Variants in ADAM19 observed in about 807,000 individuals in gnomAD.
The protein encoded by ADAM19 is ADAM metallopeptidase domain 19, also known as disintegrin and metalloproteinase domain-containing protein 19.
A neutral mutation model predicts 114.7 loss-of-function variants in ADAM19; 65 were observed. The observed-to-expected ratio is 0.57, with a 90% CI of 0.46 to 0.70. The LOEUF (loss-of-function observed/expected upper bound fraction) is 0.70. Among genes scored for constraint, ADAM19 ranks in the 30% least tolerant of loss-of-function variants. The pLI is 0.00. For missense variants in ADAM19, 1,063 were observed against 1,204.7 expected (o/e 0.88, Z 1.74); for synonymous variants, 466 against 460.5 (o/e 1.01, Z -0.15).
intron 5 of ADAM19, among the ~76,000 whole-genome samples, chr5:157,522,965 G>A (rs1398342315): frequency 6.6e-6 from 1 of 152,164 alleles, no homozygotes; most frequent in Admixed American, 6.5e-5. Flanking sequence ...CATTGATTGA[G>A]CTAACTGGAT....
intron 6 of ADAM19, 108 bp downstream of exon 6, chr5:157,519,731 T>C (rs1270225264): frequency 1.9e-6 from 2 of 1,039,512 alleles, no homozygotes; most frequent in Non-Finnish European, 2.8e-6. Context: ...TCCTTTTTCT[T>C]AGGCATCACC....
intron 3 of ADAM19, among the ~76,000 whole-genome samples, chr5:157,556,032 TTTG>T (rs565533591): frequency 3.3e-5 from 5 of 151,982 alleles, no homozygotes; most frequent in Non-Finnish European, 7.4e-5. Context: ...GATCTTTGAT[TTTG>T]TTGTTGTTGT....
At chr5:157,558,681 G>A (rs1376406073) in intron 3 of ADAM19, among the ~76,000 whole-genome samples, 2 of 152,218 alleles carry the variant, frequency 1.3e-5, no homozygotes, top group Non-Finnish European at 2.9e-5. Context: ...AGGAAGCTGG[G>A]AGGGTGGAGG....
chr5:157,565,239 G>GA (rs1381560703), intron 2 of ADAM19, among the ~76,000 whole-genome samples: 4 of 151,906 alleles, frequency 2.6e-5, no homozygotes, highest in African/African-American at 9.7e-5. Flanking sequence ...CCCACGTCCA[G>GA]AAAAACAAAT....
chr5:157,497,053 T>C lies in ADAM19; in HGVS notation c.1435A>G (p.Arg479Gly). ...CAGAACTCCGGGAGGTCACACTGCC[T>C]GGCCTGCTCGCGGCACAGGGTCCCA... ...APGTLCREQA[R>G]QCDLPEFCTG... The change falls in exon 14 of 23, where the codon AGG (arginine) becomes GGG (glycine). Residue 479 changes from arginine (R) to glycine (G), a missense_variant. Physicochemically the swap from Arg to Gly is moderately radical, Grantham distance 125. Around this residue, in one of 3 missense-constraint regions of ADAM19, gnomAD observed 615 missense variants for 706.3 expected, o/e 0.87. Transcript: ENST00000257527. 6.4e-7 allele frequency: 1 copy of C among 1,551,944 alleles called. No individual in the cohort carries two copies. Among genetic ancestry groups the C allele is most frequent in the Non-Finnish European group, 8.7e-7 (1 of 1,154,734 alleles).
chr5:157,493,770 A>G (rs1161392785), intron 15 of ADAM19, among the ~76,000 whole-genome samples: 1 of 152,184 alleles, frequency 6.6e-6, no homozygotes. Flanking sequence ...GATCTGGTCC[A>G]TGCTAAACTA....
chr5:157,522,076 G>A (rs1009665820), intron 5 of ADAM19, among the ~76,000 whole-genome samples: 22 of 152,350 alleles, frequency 1.4e-4, no homozygotes, highest in African/African-American at 5.1e-4. Context: ...ATAGTGTGGT[G>A]CACAATAAAT....
chr5:157,557,281 C>T (rs1475517469), intron 3 of ADAM19, among the ~76,000 whole-genome samples: 1 of 152,140 alleles, frequency 6.6e-6, no homozygotes, highest in African/African-American at 2.4e-5. Flanking sequence ...ACCACCCAAC[C>T]GGAAGTGTCA....
chr5:157,477,419 G>A lies in ADAM19; in HGVS notation c.*3530C>T, dbSNP rs1754627595. 8 of 1,022,708 alleles carry A rather than the reference G, an allele frequency of 7.8e-6. No individual in the cohort carries two copies. The South Asian group carries it at 2.2e-4, about 29-fold the overall frequency. 63.4% of individuals were successfully genotyped at this position (1,022,708 alleles called of 1,614,324 possible). Reference sequence around the variant, plus strand: ...TACAAATATTGTAAACAATTAATAGGTGGACAAGAGAGAAGAAGATCTGTT... The same window carrying A: ...TACAAATATTGTAAACAATTAATAGATGGACAAGAGAGAAGAAGATCTGTT... On this transcript the variant is annotated 3_prime_UTR_variant, in exon 23 of 23. Coordinates refer to ENST00000257527, the MANE Select transcript of ADAM19 (RefSeq NM_033274.5).
At chr5:157,494,536 C>G in intron 15 of ADAM19, 151 bp downstream of exon 15, 1 of 588,286 alleles carries the variant, frequency 1.7e-6, no homozygotes, top group Non-Finnish European at 3.0e-6. Flanking sequence ...CATTGTCAAA[C>G]AGGGGGCCGA....
At chr5:157,523,671 C>T (rs539821390) in intron 5 of ADAM19, among the ~76,000 whole-genome samples, 195 of 152,226 alleles carry the variant, frequency 1.3e-3, no homozygotes, top group Non-Finnish European at 1.4e-3. Context: ...TTGTATGGCT[C>T]GCAGAACTGT....
In ADAM19 at chr5:157,502,822, C is replaced by G; in HGVS notation, c.1289G>C (p.Cys430Ser). 1.2e-6 allele frequency: 2 copies of G among 1,614,198 alleles called. No individual in the cohort carries two copies. The highest frequency in any genetic ancestry group is 1.7e-6 in the Non-Finnish European group (2 of 1,180,014). Residue 430 changes from cysteine (C) to serine (S), a missense_variant, in exon 12 of 23, where the codon TGT becomes TCT. Transcript: ENST00000257527. ...CCTCACCTCTTCTTCTCCACAGTCA[C>G]ACTCTTCCCCATCTTCCAGATACCC... ...GNGYLEDGEECDCGEEEECNN... is the reference protein window; with the variant it reads ...GNGYLEDGEESDCGEEEECNN...
intron 21 of ADAM19, among the ~76,000 whole-genome samples, chr5:157,486,617 T>C (rs1254527853): frequency 6.6e-6 from 1 of 152,104 alleles, no homozygotes. Flanking sequence ...CCGTGTTCTC[T>C]GAACATGCCT....
intron 3 of ADAM19, among the ~76,000 whole-genome samples, chr5:157,544,769 T>C (rs2113771568): frequency 6.6e-6 from 1 of 152,304 alleles, no homozygotes; most frequent in East Asian, 1.9e-4. Flanking sequence ...GAGAAAAATC[T>C]AAAAGCGAAA....
chr5:157,509,287 A>G lies in ADAM19; in HGVS notation c.905+14T>C, dbSNP rs1257712077. 1 of 1,600,230 alleles carries G rather than the reference A, an allele frequency of 6.2e-7. No homozygotes were observed. The highest frequency in any genetic ancestry group is 8.5e-7 in the Non-Finnish European group (1 of 1,170,796). On this transcript the variant is annotated intron_variant, in intron 9 of 22. Transcript: ENST00000257527. ...AGCCAAGGACAACACAACATATGGAAAAAGGCTATTTACGTGATTAATTGG... is the reference window on the plus strand; with the variant it reads ...AGCCAAGGACAACACAACATATGGAGAAAGGCTATTTACGTGATTAATTGG...
At chr5:157,568,378 A>G (rs930549526) in intron 2 of ADAM19, 1 of 152,188 alleles carries the variant, frequency 6.6e-6, no homozygotes, top group African/African-American at 2.4e-5. Flanking sequence ...CCCTTTTTCT[A>G]TGGGGCATTT....
intron 4 of ADAM19, among the ~76,000 whole-genome samples, chr5:157,532,043 C>T (rs1487460378): frequency 1.3e-5 from 2 of 152,176 alleles, no homozygotes; most frequent in African/African-American, 4.8e-5. Context: ...ACAAACACTC[C>T]CTACTCTTCC....
rs149236204 is a variant in ADAM19 at position 157,540,265 on chromosome 5, G to A, written c.252-2274C>T. Among the ~76,000 whole-genome samples, 837 of 151,556 alleles carry A rather than the reference G, an allele frequency of 5.5e-3. 3 individuals carry two copies. Among genetic ancestry groups the A allele is most frequent in the Non-Finnish European group, 9.2e-3 (627 of 68,036 alleles). On this transcript the variant is annotated intron_variant, in intron 3 of 22. Transcript: ENST00000257527. The stretch of plus-strand genomic sequence containing the variant: ...ATGAACTCTCCAGTACATCACTTAA[G>A]AGAGGTGGTAAAACGCAATGTGCTC...
At chr5:157,555,160 C>T (rs1397647791) in intron 3 of ADAM19, among the ~76,000 whole-genome samples, 1 of 152,198 alleles carries the variant, frequency 6.6e-6, no homozygotes, top group Non-Finnish European at 1.5e-5. Flanking sequence ...TTCCCACCCA[C>T]ATGACTTTTA....
Sources: gnomAD v4.1 joint callset for allele counts (sites outside exome capture counted in the v4.1 genomes callset) on GRCh38, gnomAD v4.1.1 for gene constraint, gnomAD v4.1.1 regional missense constraint, MANE v1.5 for transcripts, NCBI Gene and HGNC (gene_info 2026-07-23, HGNC 2026-07-21) for gene names.